SFMBT2: variants seen among roughly 807,000 people sequenced by gnomAD.
The protein encoded by SFMBT2 is scm-like with four MBT domains protein 2.
SFMBT2 carries 38 observed loss-of-function variants against 110.1 expected under a neutral mutation model. The ratio of observed to expected loss-of-function variants is 0.35; its 90% CI spans 0.27 to 0.45. SFMBT2 has a LOEUF of 0.45. Among genes scored for constraint, SFMBT2 ranks in the 20% least tolerant of loss-of-function variants. SFMBT2 has a pLI of 1.00. For missense variants in SFMBT2, 1,011 were observed against 1,094.9 expected, an observed-to-expected ratio of 0.92 and a Z score of 1.08; for synonymous variants, 425 against 425.4, an observed-to-expected ratio of 1.00 and a Z score of 0.01.
chr10:7,227,951 A>G lies in SFMBT2; in HGVS notation c.1121-14T>C, dbSNP rs754290309. 7.0e-6 allele frequency: 11 copies of G among 1,570,920 alleles called. No individual in the cohort carries two copies. The Admixed American group carries it at 1.2e-4, about 18-fold the overall frequency. ...GGCCAGAGTAACCTGGGAATGACAA[A>G]ACACAGATAAAACAGCGCACATTAA... On this transcript the variant is annotated splice_polypyrimidine_tract_variant and intron_variant, in intron 9 of 20. Coordinates refer to ENST00000397167, the MANE Select transcript of SFMBT2 (RefSeq NM_001387889.1).
intron 9 of SFMBT2, among the ~76,000 whole-genome samples, chr10:7,240,420 T>C (rs1210830050): frequency 1.3e-5 from 2 of 152,194 alleles, no homozygotes; most frequent in Non-Finnish European, 2.9e-5. Flanking sequence ...ATCCTACTGA[T>C]AAGTACTTGA....
intron 4 of SFMBT2, among the ~76,000 whole-genome samples, chr10:7,350,054 C>G (rs1256243611): frequency 8.5e-5 from 13 of 152,164 alleles, no homozygotes; most frequent in Non-Finnish European, 2.9e-5. Context: ...ATTCAGGGCC[C>G]CGGGAGGCAC....
At position 7,408,539 on chromosome 10, in the gene SFMBT2, G is replaced by A. The variant is rs1280878649; in HGVS notation, c.-52+2322C>T. Among the ~76,000 whole-genome samples, 2 of 152,210 alleles carry A rather than the reference G, an allele frequency of 1.3e-5. No individual in the cohort carries two copies. The highest frequency in any genetic ancestry group is 4.8e-5 in the African/African-American group (2 of 41,464). ...CTGCCAGATCAGGTTCGCGGGCCCG[G>A]AGGAGGTCCTCCCACCTGCCCCCGC... is the stretch of plus-strand genomic sequence containing the variant. On this transcript the variant is annotated intron_variant, in intron 1 of 20. Transcript: ENST00000397167. The surrounding 1 kb of genome is among the most constrained non-coding windows in gnomAD (Gnocchi z 5.7).
intron 9 of SFMBT2, among the ~76,000 whole-genome samples, chr10:7,234,665 C>T (rs966303601): frequency 6.6e-6 from 1 of 152,084 alleles, no homozygotes; most frequent in Non-Finnish European, 1.5e-5. Context: ...GACTTGCTTC[C>T]AAGTCCAGTA....
At chr10:7,381,344 C>A (rs1445520395) in intron 2 of SFMBT2, among the ~76,000 whole-genome samples, 2 of 152,184 alleles carry the variant, frequency 1.3e-5, no homozygotes, top group African/African-American at 4.8e-5. Flanking sequence ...GGAGGGAATT[C>A]TTTTTCCTAA....
chr10:7,369,556 GT>G (rs1225327808), intron 3 of SFMBT2, among the ~76,000 whole-genome samples: 2 of 152,096 alleles, frequency 1.3e-5, no homozygotes, highest in Non-Finnish European at 2.9e-5. Context: ...GATGAGAGTG[GT>G]TTTTTTGGTT....
At chr10:7,376,698 CAAA>C (rs59565462) in intron 2 of SFMBT2, among the ~76,000 whole-genome samples, 1 of 46,646 alleles carries the variant, frequency 2.1e-5, no homozygotes, top group African/African-American at 1.0e-4. Context: ...GACTCTGTCT[CAAA>C]AAAAAAAAAA....
chr10:7,190,665 A>G (rs1479027641), intron 15 of SFMBT2, among the ~76,000 whole-genome samples: 1 of 152,220 alleles, frequency 6.6e-6, no homozygotes, highest in Non-Finnish European at 1.5e-5. Flanking sequence ...AGCTGCTATG[A>G]CTAGCCACAG....
intron 15 of SFMBT2, among the ~76,000 whole-genome samples, chr10:7,191,426 C>T (rs1405215522): frequency 6.6e-6 from 1 of 152,006 alleles, no homozygotes; most frequent in Non-Finnish European, 1.5e-5. Context: ...GCCTCACCTC[C>T]CAACAACCGC....
At chr10:7,197,462 G>C in intron 15 of SFMBT2, 86 bp downstream of exon 15, 1 of 1,537,786 alleles carries the variant, frequency 6.5e-7, no homozygotes. Flanking sequence ...TGCTTCCAAT[G>C]CCTATTCCCT....
intron 20 of SFMBT2, chr10:7,164,507 G>C: frequency 1.1e-6 from 1 of 933,952 alleles, no homozygotes; most frequent in Non-Finnish European, 1.3e-6. Flanking sequence ...GGTTGCTGCG[G>C]GAATTGCTTC....
At chr10:7,209,050 A>G (rs996498363) in intron 11 of SFMBT2, among the ~76,000 whole-genome samples, 3 of 152,172 alleles carry the variant, frequency 2.0e-5, no homozygotes, top group Non-Finnish European at 4.4e-5. Context: ...AGTGTTTCTG[A>G]CCCTAAACAA....
chr10:7,175,025 T>C (rs1291259398), intron 17 of SFMBT2, among the ~76,000 whole-genome samples: 2 of 152,210 alleles, frequency 1.3e-5, no homozygotes, highest in African/African-American at 4.8e-5. Flanking sequence ...CTGCACAGCG[T>C]TTCCAGTACA....
At chr10:7,262,909 T>G (rs1039355536) in intron 7 of SFMBT2, among the ~76,000 whole-genome samples, 2 of 152,186 alleles carry the variant, frequency 1.3e-5, no homozygotes, top group Non-Finnish European at 2.9e-5. Flanking sequence ...ATCCCACAGA[T>G]GAACCCCACC....
At chr10:7,232,639 G>A (rs73615427) in intron 9 of SFMBT2, among the ~76,000 whole-genome samples, 1 of 152,142 alleles carries the variant, frequency 6.6e-6, no homozygotes, top group Non-Finnish European at 1.5e-5. Flanking sequence ...ATGAAGACCA[G>A]AGAAAATGTA....
intron 9 of SFMBT2, among the ~76,000 whole-genome samples, chr10:7,232,034 G>A (rs1036456489): frequency 6.6e-6 from 1 of 152,138 alleles, no homozygotes; most frequent in African/African-American, 2.4e-5. Context: ...ACAGCAGAGG[G>A]GAGAAGAAAA....
At chr10:7,369,466 T>TA (rs1407739122) in intron 3 of SFMBT2, among the ~76,000 whole-genome samples, 1 of 152,236 alleles carries the variant, frequency 6.6e-6, no homozygotes, top group African/African-American at 2.4e-5. Context: ...GAAAACCTGA[T>TA]AAAAACTGAC....
intron 4 of SFMBT2, among the ~76,000 whole-genome samples, chr10:7,349,710 C>T (rs1010114644): frequency 1.3e-5 from 2 of 151,892 alleles, no homozygotes; most frequent in South Asian, 2.1e-4. Context: ...CTGCCTGTCT[C>T]GGCCTCCCAA....
intron 4 of SFMBT2, among the ~76,000 whole-genome samples, chr10:7,303,525 G>C (rs1322802176): frequency 6.6e-6 from 1 of 152,122 alleles, no homozygotes; most frequent in Admixed American, 6.6e-5. Context: ...GACAGAAAAA[G>C]AGAAAGAAAG....
Sources: allele counts gnomAD v4.1 joint callset (sites outside exome capture counted in the v4.1 genomes callset), GRCh38; gene constraint gnomAD v4.1.1; non-coding constraint Gnocchi (gnomAD v3.1); transcripts MANE v1.5; gene names NCBI Gene and HGNC (gene_info 2026-07-23, HGNC 2026-07-21).